DRC8: variants seen among roughly 807,000 people sequenced by gnomAD.
DRC8 encodes dynein regulatory complex protein 8.
chr1:244,988,479 G>T, the DRC8 span, among the ~76,000 whole-genome samples: 1 of 152,122 alleles, frequency 6.6e-6, no homozygotes, highest in African/African-American at 2.4e-5. Flanking sequence ...AAAGGAGCAT[G>T]AAATAAAAAA....
At chr1:245,054,298 C>T in the DRC8 span, among the ~76,000 whole-genome samples, 1 of 152,144 alleles carries the variant, frequency 6.6e-6, no homozygotes, top group South Asian at 2.1e-4. Flanking sequence ...GTGATCCTCA[C>T]GCCTCAGCCT....
the DRC8 span, chr1:245,059,449 G>A: frequency 6.2e-7 from 1 of 1,612,536 alleles, no homozygotes; most frequent in Non-Finnish European, 8.5e-7. Context: ...TGCATGATCT[G>A]ATTGCAGAGG....
the DRC8 span, among the ~76,000 whole-genome samples, chr1:245,050,565 A>G: frequency 2.6e-5 from 4 of 152,304 alleles, no homozygotes; most frequent in African/African-American, 9.6e-5. Flanking sequence ...AGTGGGGACA[A>G]TAATAGTACC....
chr1:244,994,048 T>C, the DRC8 span, among the ~76,000 whole-genome samples: 1 of 152,160 alleles, frequency 6.6e-6, no homozygotes, highest in Admixed American at 6.5e-5. Flanking sequence ...GTATTGGACA[T>C]TTATTGATTA....
At chr1:245,118,085 A>G in the DRC8 span, among the ~76,000 whole-genome samples, 1 of 152,196 alleles carries the variant, frequency 6.6e-6, no homozygotes, top group East Asian at 1.9e-4. Flanking sequence ...AGTTTGAATA[A>G]TTACAAAACT....
chr1:245,063,713 CAG>C, the DRC8 span, among the ~76,000 whole-genome samples: 13 of 152,140 alleles, frequency 8.5e-5, no homozygotes, highest in Non-Finnish European at 1.5e-4. Flanking sequence ...GCCTGGGTAA[CAG>C]AGCCAGATCT....
the DRC8 span, among the ~76,000 whole-genome samples, chr1:244,991,621 T>A: frequency 6.6e-6 from 1 of 152,188 alleles, no homozygotes; most frequent in Non-Finnish European, 1.5e-5. Context: ...CTTTTAATCC[T>A]CGTAACAGCC....
the DRC8 span, among the ~76,000 whole-genome samples, chr1:245,055,564 C>A: frequency 6.6e-6 from 1 of 152,042 alleles, no homozygotes; most frequent in Non-Finnish European, 1.5e-5. Context: ...TCAAGTGATC[C>A]TCCCACCCAC....
chr1:245,045,547 T>C, the DRC8 span, among the ~76,000 whole-genome samples: 1 of 152,176 alleles, frequency 6.6e-6, no homozygotes, highest in Admixed American at 6.5e-5. Context: ...CATTGGCCAC[T>C]TCACGTCCAT....
chr1:244,983,037 G>T, the DRC8 span, among the ~76,000 whole-genome samples: 2 of 152,006 alleles, frequency 1.3e-5, no homozygotes, highest in Admixed American at 1.3e-4. Flanking sequence ...GCCATTGCAA[G>T]AGGGTGAGAC....
the DRC8 span, among the ~76,000 whole-genome samples, chr1:245,058,785 C>G: frequency 6.6e-6 from 1 of 152,192 alleles, no homozygotes; most frequent in Non-Finnish European, 1.5e-5. Context: ...AGTCGCTGCT[C>G]TGCCAGGAGA....
the DRC8 span, among the ~76,000 whole-genome samples, chr1:245,112,822 T>A: frequency 6.6e-6 from 1 of 151,714 alleles, no homozygotes; most frequent in Non-Finnish European, 1.5e-5. Flanking sequence ...GGCACGGTCT[T>A]GGCTCACTGC....
chr1:244,985,432 C>T, the DRC8 span, among the ~76,000 whole-genome samples: 85,244 of 152,054 alleles, frequency 0.56, 25,206 homozygotes, highest in East Asian at 0.75. Flanking sequence ...TGGAGAACTT[C>T]ACATGCCGTA....
the DRC8 span, among the ~76,000 whole-genome samples, chr1:245,093,718 AAAAAG>A: frequency 1.3e-5 from 2 of 151,640 alleles, no homozygotes; most frequent in African/African-American, 4.9e-5. Context: ...AAAAAGAAAG[AAAAAG>A]AAAAGAAAAG....
chr1:245,076,864 C>T, the DRC8 span, among the ~76,000 whole-genome samples: 2 of 152,030 alleles, frequency 1.3e-5, no homozygotes, highest in African/African-American at 4.8e-5. Context: ...GTAGCTGGGA[C>T]TACAGGTGCA....
the DRC8 span, chr1:245,087,492 T>A: frequency 8.6e-6 from 12 of 1,390,786 alleles, no homozygotes; most frequent in African/African-American, 1.5e-4. Flanking sequence ...TAAGACACTT[T>A]GTTTTTAAAG....
the DRC8 span, among the ~76,000 whole-genome samples, chr1:245,003,588 A>G: frequency 6.6e-6 from 1 of 152,096 alleles, no homozygotes; most frequent in East Asian, 1.9e-4. Context: ...GAAGATTGAC[A>G]TCATTTGGAG....
At chr1:244,979,675 C>G in the DRC8 span, among the ~76,000 whole-genome samples, 1 of 151,752 alleles carries the variant, frequency 6.6e-6, no homozygotes, top group South Asian at 2.1e-4. Flanking sequence ...CTCCTGACCT[C>G]ATGTGATCCG....
chr1:245,054,653 G>A, the DRC8 span, among the ~76,000 whole-genome samples: 6 of 152,048 alleles, frequency 3.9e-5, no homozygotes, highest in Admixed American at 3.9e-4. Flanking sequence ...CCTTGAATGT[G>A]GGTACTCCTC....
Sources: gnomAD v4.1 joint callset for allele counts (sites outside exome capture counted in the v4.1 genomes callset) on GRCh38, gnomAD v4.1.1 for gene constraint, MANE v1.5 for transcripts, NCBI Gene and HGNC (gene_info 2026-07-23, HGNC 2026-07-21) for gene names.